C13orf42: variants seen among roughly 807,000 people sequenced by gnomAD.
C13orf42 encodes chromosome 13 open reading frame 42, also known as uncharacterized protein C13orf42.
At chr13:51,135,265 C>A (rs1435918036) in intron 1 of C13orf42, among the ~76,000 whole-genome samples, 1 of 152,136 alleles carries the variant, frequency 6.6e-6, no homozygotes, top group Non-Finnish European at 1.5e-5. Flanking sequence ...GGAGAGAGAC[C>A]AGGTGGAGAG....
intron 2 of C13orf42, among the ~76,000 whole-genome samples, chr13:51,086,208 G>A (rs765801709): frequency 1.3e-5 from 2 of 151,908 alleles, no homozygotes; most frequent in Admixed American, 6.6e-5. Context: ...TCGGGAGGCT[G>A]AGGCAGGAGA....
Position 51,141,654 on chromosome 13 carries a change from T to A in C13orf42, n.137-28432A>T, listed in dbSNP as rs1276225752. ...CTCTACTAAAAATACAAAAATTAGC[T>A]GGGCATGGTGGTGAGCACCTGTAAT... On this transcript the variant is annotated intron_variant and non_coding_transcript_variant, in intron 1 of 4. Transcript: ENST00000433280. 4.6e-5 allele frequency among the ~76,000 whole-genome samples: 7 copies of A among 151,954 alleles called. No individual in the cohort carries two copies. In the East Asian group the frequency reaches 1.4e-3, roughly 29 times the overall value.
At chr13:51,134,250 C>T (rs1279751298) in intron 1 of C13orf42, among the ~76,000 whole-genome samples, 2 of 152,196 alleles carry the variant, frequency 1.3e-5, no homozygotes, top group Non-Finnish European at 2.9e-5. Context: ...ATCAAAAACT[C>T]ACTCACTCAG....
At chr13:51,121,084 T>G (rs1953531321) in intron 1 of C13orf42, among the ~76,000 whole-genome samples, 1 of 152,134 alleles carries the variant, frequency 6.6e-6, no homozygotes, top group Non-Finnish European at 1.5e-5. Flanking sequence ...GTTTTAAGGG[T>G]TCTCCAGCCA....
chr13:51,158,224 A>T (rs908332887), intron 1 of C13orf42, among the ~76,000 whole-genome samples: 3 of 152,190 alleles, frequency 2.0e-5, no homozygotes, highest in Non-Finnish European at 4.4e-5. Context: ...TCCAGAACCT[A>T]CAGTTCTCAG....
intron 1 of C13orf42, among the ~76,000 whole-genome samples, chr13:51,094,868 C>T (rs1275178539): frequency 6.6e-6 from 1 of 151,914 alleles, no homozygotes; most frequent in African/African-American, 2.4e-5. Flanking sequence ...CCCATAATTC[C>T]CATGTGTTAT....
At chr13:51,121,156 G>A (rs1953532003) in intron 1 of C13orf42, among the ~76,000 whole-genome samples, 1 of 152,156 alleles carries the variant, frequency 6.6e-6, no homozygotes, top group Non-Finnish European at 1.5e-5. Flanking sequence ...TTGCCCTCCT[G>A]CACTCAGAAG....
chr13:51,134,338 G>A (rs142801672), intron 1 of C13orf42, among the ~76,000 whole-genome samples: 1 of 152,064 alleles, frequency 6.6e-6, no homozygotes, highest in Non-Finnish European at 1.5e-5. Context: ...CCTTTACTGG[G>A]GTATGTAATG....
chr13:51,114,222 C>G (rs781230641), upstream of C13orf42, among the ~76,000 whole-genome samples: 5 of 152,114 alleles, frequency 3.3e-5, no homozygotes, highest in Non-Finnish European at 5.9e-5. Flanking sequence ...GAGTATGGGC[C>G]TTACTCAGAG....
chr13:51,142,649 AG>A (rs1403921603), intron 1 of C13orf42, among the ~76,000 whole-genome samples: 3 of 151,698 alleles, frequency 2.0e-5, no homozygotes, highest in Non-Finnish European at 2.9e-5. Context: ...ATAAAAAAAA[AG>A]TGAACAAGTT....
At chr13:51,162,597 A>G (rs927445460) in intron 1 of C13orf42, among the ~76,000 whole-genome samples, 1 of 152,162 alleles carries the variant, frequency 6.6e-6, no homozygotes, top group Non-Finnish European at 1.5e-5. Context: ...TGGATACTGG[A>G]CATCATCTTT....
chr13:51,132,263 A>C (rs1953623482), intron 1 of C13orf42, among the ~76,000 whole-genome samples: 1 of 152,144 alleles, frequency 6.6e-6, no homozygotes, highest in Admixed American at 6.5e-5. Context: ...CAATATCGTG[A>C]AACCTCAGCT....
intron 1 of C13orf42, among the ~76,000 whole-genome samples, chr13:51,161,026 T>C (rs187330461): frequency 6.8e-6 from 1 of 146,150 alleles, no homozygotes; most frequent in African/African-American, 2.5e-5. Context: ...ACTCAAGAGA[T>C]ATCTGTAAGT....
At chr13:51,146,007 G>A (rs1205026676) in intron 1 of C13orf42, among the ~76,000 whole-genome samples, 1 of 152,088 alleles carries the variant, frequency 6.6e-6, no homozygotes, top group East Asian at 1.9e-4. Context: ...ACTTTTCGGG[G>A]TTCATAGAAG....
chr13:51,159,339 T>C (rs1330468662), intron 1 of C13orf42, among the ~76,000 whole-genome samples: 1 of 152,138 alleles, frequency 6.6e-6, no homozygotes, highest in Non-Finnish European at 1.5e-5. Flanking sequence ...AAAAAACAGA[T>C]GTCAGGATGA....
At chr13:51,172,253 C>G (rs1953961851) in exon 1 of C13orf42, 1 of 152,132 alleles carries the variant, frequency 6.6e-6, no homozygotes, top group Non-Finnish European at 1.5e-5. Context: ...TTCAACTCAC[C>G]TGGCAGCCAC....
At chr13:51,121,949 C>G (rs1566132543) in intron 1 of C13orf42, among the ~76,000 whole-genome samples, 1 of 152,122 alleles carries the variant, frequency 6.6e-6, no homozygotes, top group South Asian at 2.1e-4. Flanking sequence ...AAAAGATATT[C>G]ACAATGTAAT....
At chr13:51,116,741 A>G (rs1462572663) in intron 1 of C13orf42, among the ~76,000 whole-genome samples, 1 of 152,254 alleles carries the variant, frequency 6.6e-6, no homozygotes, top group Non-Finnish European at 1.5e-5. Context: ...AATGATCATT[A>G]TATTTGCTCA....
intron 1 of C13orf42, among the ~76,000 whole-genome samples, chr13:51,135,474 G>T (rs2138025320): frequency 6.6e-6 from 1 of 152,098 alleles, no homozygotes; most frequent in South Asian, 2.1e-4. Flanking sequence ...AACACAGAGA[G>T]ATCCCATCTA....
Sources: gnomAD v4.1 joint callset for allele counts (sites outside exome capture counted in the v4.1 genomes callset) on GRCh38, gnomAD v4.1.1 for gene constraint, MANE v1.5 for transcripts, NCBI Gene and HGNC (gene_info 2026-07-23, HGNC 2026-07-21) for gene names.